CEP170: variants seen among roughly 807,000 people sequenced by gnomAD.
CEP170 encodes the protein centrosomal protein 170, also known as centrosomal protein of 170 kDa.
In CEP170, 21 loss-of-function variants were observed where a neutral mutation model predicts 151.9. The ratio of observed to expected loss-of-function variants is 0.14; its 90% confidence interval spans 0.10 to 0.20. The LOEUF (loss-of-function observed/expected upper bound fraction) is 0.20, where lower values mean the gene tolerates loss of function less well. Among genes scored for constraint, CEP170 ranks in the 10% least tolerant of loss-of-function variants. CEP170 has a pLI of 1.00. For synonymous variants in CEP170, 356 were observed against 648.8 expected (o/e 0.55, Z 6.86); for missense variants, 964 against 1,892.9 (o/e 0.51, Z 9.11).
chr1:243,189,321 C>T (rs1204523157), intron 8 of CEP170, among the ~76,000 whole-genome samples: 5 of 152,022 alleles, frequency 3.3e-5, no homozygotes, highest in Middle Eastern at 3.2e-3. Context: ...CTTTGGGAGG[C>T]TAAGGTGGGT....
intron 14 of CEP170, among the ~76,000 whole-genome samples, chr1:243,146,666 G>GA (rs914144893): frequency 1.2e-3 from 152 of 122,096 alleles, no homozygotes; most frequent in East Asian, 7.4e-3. Flanking sequence ...GGCATGGGAA[G>GA]AAAAAAAAAA....
At chr1:243,131,376 T>C (rs2054385197) in intron 17 of CEP170, among the ~76,000 whole-genome samples, 1 of 151,952 alleles carries the variant, frequency 6.6e-6, no homozygotes, top group African/African-American at 2.4e-5. Flanking sequence ...CCTGTAGTCC[T>C]AGCTACTAAG....
At chr1:243,240,770 G>A (rs1326941749) in intron 1 of CEP170, among the ~76,000 whole-genome samples, 1 of 151,996 alleles carries the variant, frequency 6.6e-6, no homozygotes, top group East Asian at 1.9e-4. Flanking sequence ...TCAGCTCACT[G>A]CTACCTCTGC....
At chr1:243,186,881 G>A (rs1449211265) in intron 8 of CEP170, among the ~76,000 whole-genome samples, 1 of 152,124 alleles carries the variant, frequency 6.6e-6, no homozygotes, top group Non-Finnish European at 1.5e-5. Flanking sequence ...ACATAAGTAT[G>A]GTAAAAATGT....
chr1:243,215,411 T>C (rs2062176931), intron 3 of CEP170, among the ~76,000 whole-genome samples: 2 of 152,164 alleles, frequency 1.3e-5, no homozygotes, highest in Non-Finnish European at 2.9e-5. Context: ...GAATTCCTTT[T>C]CTCAGCAAGG....
intron 1 of CEP170, among the ~76,000 whole-genome samples, chr1:243,227,682 T>C (rs2063411646): frequency 1.3e-5 from 2 of 152,234 alleles, no homozygotes; most frequent in Admixed American, 6.5e-5. Context: ...TGCCACTACT[T>C]TGATCTATGC....
intron 3 of CEP170, among the ~76,000 whole-genome samples, chr1:243,219,357 A>C (rs544120510): frequency 4.4e-4 from 67 of 152,326 alleles, no homozygotes; most frequent in South Asian, 1.4e-3. Flanking sequence ...AATTTCAGAG[A>C]GATTAAGTGA....
chr1:243,167,503 A>C (rs1357388600), intron 12 of CEP170, among the ~76,000 whole-genome samples: 1 of 151,712 alleles, frequency 6.6e-6, no homozygotes, highest in Admixed American at 6.6e-5. Flanking sequence ...AGAATATTTA[A>C]GGATTTTCCT....
intron 3 of CEP170, chr1:243,221,432 C>T (rs901836834): frequency 5.3e-5 from 17 of 323,544 alleles, no homozygotes; most frequent in Admixed American, 9.8e-5. Flanking sequence ...ATATAAATTA[C>T]AGCCATATAG....
chr1:243,193,559 G>A (rs1362842144), intron 7 of CEP170, among the ~76,000 whole-genome samples: 1 of 152,174 alleles, frequency 6.6e-6, no homozygotes, highest in Non-Finnish European at 1.5e-5. Context: ...ACTTATCAAG[G>A]TCACCTGTTT....
At position 243,126,498 on chromosome 1, in the gene CEP170, T is replaced by C. The variant is rs777193870; in HGVS notation, c.4706A>G (p.Asn1569Ser). The C allele has an allele frequency of 3.1e-6, 5 of 1,609,612 alleles. No homozygotes were observed. The highest frequency in any genetic ancestry group is 2.2e-5 in the East Asian group (1 of 44,834). Reference sequence around the variant, plus strand: ...CTCTTCCCCATCGGGGTTGAATCTATTGAAATGTATACTGAAATCAGCCTC... The same window carrying C: ...CTCTTCCCCATCGGGGTTGAATCTACTGAAATGTATACTGAAATCAGCCTC... ...ESEADFSIHF[N>S]RFNPDGEEED... Residue 1569 changes from asparagine to serine, a missense_variant, in exon 20 of 20, where the codon AAT becomes AGT. Transcript: ENST00000366542.
intron 17 of CEP170, among the ~76,000 whole-genome samples, chr1:243,132,187 G>T (rs1231773123): frequency 6.6e-6 from 1 of 152,204 alleles, no homozygotes; most frequent in Non-Finnish European, 1.5e-5. Flanking sequence ...TTAAAGACCA[G>T]TTGATTCTCA....
Position 243,165,746 on chromosome 1 carries a change from A to T in CEP170, c.2214T>A (p.Thr738=). The change falls in exon 13 of 20, where the codon ACT becomes ACA. Residue 738 remains threonine (T), a synonymous_variant. Coordinates refer to ENST00000366542, the MANE Select transcript of CEP170 (RefSeq NM_014812.3). ...TTGCTAATGTTTGCTTTACCAAAGA[A>T]GTTTCCTTATCAGTTTCACTTTTCT... ...GKEKSETDKE[T]SLVKQTLAKL... 1 of 1,614,054 alleles carries T rather than the reference A, an allele frequency of 6.2e-7. No homozygotes were observed. Among genetic ancestry groups the T allele is most frequent in the South Asian group, 1.1e-5 (1 of 91,084 alleles).
intron 3 of CEP170, among the ~76,000 whole-genome samples, chr1:243,217,589 T>G (rs535531044): frequency 1.8e-4 from 27 of 152,298 alleles, no homozygotes; most frequent in African/African-American, 6.3e-4. Context: ...TTAGGAAATA[T>G]GAGCCAGACA....
intron 14 of CEP170, among the ~76,000 whole-genome samples, chr1:243,147,891 AC>A (rs1326382465): frequency 6.6e-6 from 1 of 152,190 alleles, no homozygotes; most frequent in Non-Finnish European, 1.5e-5. Flanking sequence ...CTTTTAAAAA[AC>A]AAAAGAGGCT....
At chr1:243,171,979 G>A (rs543763319) in intron 11 of CEP170, among the ~76,000 whole-genome samples, 3 of 152,256 alleles carry the variant, frequency 2.0e-5, no homozygotes, top group Admixed American at 6.5e-5. Flanking sequence ...ATCCCGGGCT[G>A]TACTGTATTT....
At position 243,185,984 on chromosome 1, in the gene CEP170, G is replaced by A. The variant is rs768608537; in HGVS notation, c.1361C>T (p.Pro454Leu). 4.3e-6 allele frequency: 7 copies of A among 1,613,568 alleles called. No individual in the cohort carries two copies. In the African/African-American group the frequency reaches 9.3e-5, roughly 22 times the overall value. Residue 454 changes from proline to leucine, a missense_variant, in exon 10 of 20, where the codon CCC (proline) becomes CTC (leucine). Pro to Leu is a moderately conservative substitution (Grantham distance 98). Transcript: ENST00000366542. This position sits in a 1 kb window ranked among gnomAD's most constrained non-coding sequence, Gnocchi z 4.9. ...TCTTAATAATGCAGTTTGTAGGAAG[G>A]GTATTGACACCGATGGCTCCTCTGA... The part of the protein sequence containing the change: ...QKSEEPSVSI[P>L]FLQTALLRSS...
intron 14 of CEP170, among the ~76,000 whole-genome samples, chr1:243,146,198 C>G (rs2056467014): frequency 6.6e-6 from 1 of 152,088 alleles, no homozygotes; most frequent in African/African-American, 2.4e-5. Context: ...GTTTGGAACA[C>G]AGGCTCTGTG....
chr1:243,206,309 T>G (rs1222987615), intron 4 of CEP170, among the ~76,000 whole-genome samples: 3 of 152,210 alleles, frequency 2.0e-5, no homozygotes, highest in Admixed American at 2.0e-4. Context: ...AATTTTTGTA[T>G]TTTTAATAGA....
Sources: gnomAD v4.1 joint callset for allele counts (sites outside exome capture counted in the v4.1 genomes callset) on GRCh38, gnomAD v4.1.1 for gene constraint, Gnocchi (gnomAD v3.1) non-coding constraint, MANE v1.5 for transcripts, NCBI Gene and HGNC (gene_info 2026-07-23, HGNC 2026-07-21) for gene names.